The following GNAS-AS1 variants were observed in gnomAD, a reference collection of about 807,000 sequenced individuals.
GNAS-AS1 encodes the protein GNAS antisense RNA 1 (non-protein coding).
chr20:58,850,734 G>T (rs961869771), exon 1 of GNAS-AS1: 1 of 398,814 alleles, frequency 2.5e-6, no homozygotes, highest in East Asian at 3.6e-5. Flanking sequence ...TTGGCCCCTG[G>T]GACCCCACCT....
rs1177262675 is a variant in GNAS-AS1, at chr20:58,841,097, G to A, written n.819+840C>T. Among the ~76,000 whole-genome samples the A allele has an allele frequency of 1.3e-5, 2 of 152,110 alleles. No homozygotes were observed. Among genetic ancestry groups the A allele is most frequent in the South Asian group, 2.1e-4 (1 of 4,828 alleles). On this transcript the variant is annotated intron_variant and non_coding_transcript_variant, in intron 4 of 4. Transcript: ENST00000424094. The surrounding 1 kb of genome is among the most constrained non-coding windows in gnomAD (Gnocchi z 5.0). ...GCGCCCTGGTGGCCAAAGGCTTGTT[G>A]GACGGCGGGGCGCACGCCGTGCGTC...
rs758925149 is a variant in GNAS-AS1 at position 58,840,694 on chromosome 20, C to A, written n.819+1243G>T. The A allele has an allele frequency of 3.7e-6, 6 of 1,603,988 alleles. No individual in the cohort carries two copies. The South Asian group carries it at 6.6e-5, about 18-fold the overall frequency. ...CCAGGGAAGGGGAGGAGCTCAAGCC[C>A]GAGGACAAAGATCCAAGGGACCCCG... On this transcript the variant is annotated intron_variant and non_coding_transcript_variant, in intron 4 of 4. Coordinates refer to ENST00000424094, the Ensembl canonical transcript of GNAS-AS1. The surrounding 1 kb of genome is among the most constrained non-coding windows in gnomAD (Gnocchi z 6.0).
rs2085720583 is a variant in GNAS-AS1, at chr20:58,841,406, A to T, written n.819+531T>A. 1 of 1,004,076 alleles carries T rather than the reference A, an allele frequency of 1.0e-6. No individual in the cohort carries two copies. Among genetic ancestry groups the T allele is most frequent in the African/African-American group, 1.7e-5 (1 of 57,532 alleles). 62.2% of individuals were successfully genotyped at this position (1,004,076 alleles called of 1,614,324 possible). On this transcript the variant is annotated intron_variant and non_coding_transcript_variant, in intron 4 of 4. Transcript: ENST00000424094. The surrounding 1 kb of genome is among the most constrained non-coding windows in gnomAD (Gnocchi z 5.0). ...AGTAATCTGAATGGGAATGGGCGAGAACTCTAGAGACTGACCACCCGGGAG... is the reference window on the plus strand; with the variant it reads ...AGTAATCTGAATGGGAATGGGCGAGTACTCTAGAGACTGACCACCCGGGAG...
At chr20:58,850,110 G>A (rs1457167624) in intron 1 of GNAS-AS1, among the ~76,000 whole-genome samples, 2 of 152,020 alleles carry the variant, frequency 1.3e-5, no homozygotes, top group Non-Finnish European at 2.9e-5. Flanking sequence ...TTCGTGGTGG[G>A]CAAACCGTCT....
intron 4 of GNAS-AS1, among the ~76,000 whole-genome samples, chr20:58,837,531 C>T (rs1388391865): frequency 6.6e-6 from 1 of 152,238 alleles, no homozygotes; most frequent in Non-Finnish European, 1.5e-5. Flanking sequence ...TCAGACTAAC[C>T]TCCCAGGTTC....
In GNAS-AS1 at chr20:58,841,589, C is replaced by T; in HGVS notation, n.819+348G>A. 3 of 1,016,552 alleles carry T rather than the reference C, an allele frequency of 3.0e-6. No homozygotes were observed. The highest frequency in any genetic ancestry group is 3.5e-6 in the Non-Finnish European group (3 of 850,898). 63.0% of individuals were successfully genotyped at this position (1,016,552 alleles called of 1,614,324 possible). A position where few individuals can be genotyped will look rare whatever the true frequency, so the allele number is the denominator to read the frequency against. On this transcript the variant is annotated intron_variant and non_coding_transcript_variant, in intron 4 of 4. Coordinates refer to ENST00000424094, the Ensembl canonical transcript of GNAS-AS1. This position sits in a 1 kb window ranked among gnomAD's most constrained non-coding sequence, Gnocchi z 5.0. Reference sequence around the variant, plus strand: ...CTCCCGTCGCTCGCGGGACAGAGACCGCCTCAAAGAGCGTGCGCACCTGCC... The same window carrying T: ...CTCCCGTCGCTCGCGGGACAGAGACTGCCTCAAAGAGCGTGCGCACCTGCC...
chr20:58,849,481 A>T (rs2086068655), intron 1 of GNAS-AS1, among the ~76,000 whole-genome samples: 1 of 152,220 alleles, frequency 6.6e-6, no homozygotes, highest in African/African-American at 2.4e-5. Flanking sequence ...GCCAATTTGA[A>T]TGTGTGATCT....
chr20:58,842,601 T>A (rs1405060201), intron 2 of GNAS-AS1: 1 of 398,118 alleles, frequency 2.5e-6, no homozygotes, highest in Non-Finnish European at 4.4e-6. Flanking sequence ...GACAGCAATG[T>A]TAGTCTCAGA....
chr20:58,825,842 G>A (rs1366716614), intron 4 of GNAS-AS1, among the ~76,000 whole-genome samples: 1 of 152,204 alleles, frequency 6.6e-6, no homozygotes, highest in African/African-American at 2.4e-5. Flanking sequence ...GCTAGGAGAG[G>A]CTGCAATGCT....
chr20:58,841,259 A>G lies in GNAS-AS1; in HGVS notation n.819+678T>C, dbSNP rs2085711074. On this transcript the variant is annotated intron_variant and non_coding_transcript_variant, in intron 4 of 4. Coordinates refer to ENST00000424094, the Ensembl canonical transcript of GNAS-AS1. This position sits in a 1 kb window ranked among gnomAD's most constrained non-coding sequence, Gnocchi z 5.0. ...TTTTGCGCGCTTTTCTTCCTCCTAGAAAGACTAGTCTCAAATAAGTTGGCC... is the reference window on the plus strand; with the variant it reads ...TTTTGCGCGCTTTTCTTCCTCCTAGGAAGACTAGTCTCAAATAAGTTGGCC... The G allele has an allele frequency of 7.1e-6, 7 of 992,724 alleles. No homozygotes were observed. The highest frequency in any genetic ancestry group is 8.8e-6 in the Non-Finnish European group (7 of 799,740). The allele number at this position is 992,724 out of a possible 1,614,324, so 61.5% of individuals were successfully genotyped here. A position where few individuals can be genotyped will look rare whatever the true frequency, so the allele number is the denominator to read the frequency against.
chr20:58,845,377 C>T (rs2145500891), intron 2 of GNAS-AS1, among the ~76,000 whole-genome samples: 1 of 152,206 alleles, frequency 6.6e-6, no homozygotes, highest in African/African-American at 2.4e-5. Flanking sequence ...CTTACTTGCC[C>T]CTCCCCATGA....
chr20:58,841,647 G>C lies in GNAS-AS1; in HGVS notation n.819+290C>G, dbSNP rs1408330621. On this transcript the variant is annotated intron_variant and non_coding_transcript_variant, in intron 4 of 4. Transcript: ENST00000424094. The surrounding 1 kb of genome is among the most constrained non-coding windows in gnomAD (Gnocchi z 5.0). The stretch of plus-strand genomic sequence containing the variant: ...GCCGGAGCTGACCTCTCCCGGCGGC[G>C]GGCGGTTAGGGGAAAGTACCTGGGG... The C allele has an allele frequency of 9.0e-7, 1 of 1,109,950 alleles. No individual in the cohort carries two copies. Among genetic ancestry groups the C allele is most frequent in the Non-Finnish European group, 1.1e-6 (1 of 910,214 alleles). 68.8% of individuals were successfully genotyped at this position (1,109,950 alleles called of 1,614,324 possible).
At position 58,830,249 on chromosome 20, in the gene GNAS-AS1, CCATCAACGCCA is replaced by C. The variant is rs1260536926; in HGVS notation, n.820-11005_820-10995del. Among the ~76,000 whole-genome samples, 202 of 148,710 alleles carry C rather than the reference CCATCAACGCCA, an allele frequency of 1.4e-3. 2 individuals carry two copies. The highest frequency in any genetic ancestry group is 4.9e-3 in the African/African-American group (195 of 39,870). ...ACCATCACCACAATCACCACCACCA[CCATCAACGCCA>C]CACCATCACCACCACCGCCACACCA... On this transcript the variant is annotated intron_variant and non_coding_transcript_variant, in intron 4 of 4. Transcript: ENST00000424094.
intron 2 of GNAS-AS1, among the ~76,000 whole-genome samples, chr20:58,844,550 A>T (rs1326462889): frequency 6.6e-6 from 1 of 152,312 alleles, no homozygotes; most frequent in East Asian, 1.9e-4. Flanking sequence ...GGTCAGACCC[A>T]ACACCCCTCT....
Position 58,837,467 on chromosome 20 carries a change from C to A in GNAS-AS1, n.819+4470G>T, listed in dbSNP as rs138488725. On this transcript the variant is annotated intron_variant and non_coding_transcript_variant, in intron 4 of 4. Coordinates refer to ENST00000424094, the Ensembl canonical transcript of GNAS-AS1. ...GGAAAAGTGGTAGAGCAGGGCACAA[C>A]TGGAACATAGACATTTGTCCTTTTG... 1.2e-3 allele frequency among the ~76,000 whole-genome samples: 185 copies of A among 152,342 alleles called. 1 individual carries two copies. Among genetic ancestry groups the A allele is most frequent in the African/African-American group, 4.3e-3 (180 of 41,564 alleles).
chr20:58,837,348 TC>T (rs2085610422), intron 4 of GNAS-AS1, among the ~76,000 whole-genome samples: 1 of 152,156 alleles, frequency 6.6e-6, no homozygotes, highest in Non-Finnish European at 1.5e-5. Context: ...AATATACAGC[TC>T]TAAATGCCCC....
chr20:58,848,697 G>C (rs1400213837), intron 2 of GNAS-AS1, among the ~76,000 whole-genome samples: 2 of 152,058 alleles, frequency 1.3e-5, no homozygotes, highest in African/African-American at 4.8e-5. Flanking sequence ...CAACCAATCA[G>C]GCCAATCAAG....
exon 4 of GNAS-AS1, chr20:58,842,155 C>T (rs2085760780): frequency 2.5e-6 from 1 of 398,710 alleles, no homozygotes; most frequent in Non-Finnish European, 4.4e-6. Context: ...TGACCCAGCA[C>T]AAAAACGGCA....
chr20:58,842,917 T>G (rs2085794016), intron 2 of GNAS-AS1, among the ~76,000 whole-genome samples: 1 of 152,230 alleles, frequency 6.6e-6, no homozygotes, highest in Admixed American at 6.5e-5. Flanking sequence ...ATGAGCATGT[T>G]GCCTTGTTGC....
Sources: gnomAD v4.1 joint callset for allele counts (sites outside exome capture counted in the v4.1 genomes callset) on GRCh38, gnomAD v4.1.1 for gene constraint, Gnocchi (gnomAD v3.1) non-coding constraint, MANE v1.5 for transcripts, NCBI Gene and HGNC (gene_info 2026-07-23, HGNC 2026-07-21) for gene names.